The following DLGAP1 variants were observed in gnomAD, a reference collection of about 807,000 sequenced individuals.
DLGAP1 encodes disks large-associated protein 1.
A neutral mutation model predicts 90.8 loss-of-function variants in DLGAP1; 11 were observed. That is an observed-to-expected ratio of 0.12 (90% CI 0.08 to 0.20). The LOEUF is 0.20. Ranked by LOEUF, DLGAP1 falls within the 10% of genes least tolerant of loss-of-function variation. The pLI is 1.00. For missense variants in DLGAP1, 1,050 were observed against 1,333.8 expected, an observed-to-expected ratio of 0.79 and a Z score of 3.31; for synonymous variants, 558 against 540.7, an observed-to-expected ratio of 1.03 and a Z score of -0.44.
chr18:3,920,415 T>C (rs1436415863), intron 3 of DLGAP1, among the ~76,000 whole-genome samples: 1 of 150,626 alleles, frequency 6.6e-6, no homozygotes, highest in Non-Finnish European at 1.5e-5. Flanking sequence ...ATGTGTTATA[T>C]ACCAGGTTAC....
chr18:4,241,303 G>A (rs529302135), intron 1 of DLGAP1, among the ~76,000 whole-genome samples: 2 of 152,220 alleles, frequency 1.3e-5, no homozygotes, highest in Admixed American at 6.5e-5. Context: ...CTGGAGTTAG[G>A]CCCCTCAGTT....
chr18:3,590,578 G>C (rs73381219), intron 7 of DLGAP1, among the ~76,000 whole-genome samples: 43,090 of 152,050 alleles, frequency 0.28, 6,162 homozygotes, highest in East Asian at 0.35. Flanking sequence ...TGTAGGGTCA[G>C]GTACGGTGGC....
At chr18:3,620,304 G>A (rs2058048631) in intron 7 of DLGAP1, among the ~76,000 whole-genome samples, 2 of 151,930 alleles carry the variant, frequency 1.3e-5, no homozygotes, top group African/African-American at 2.4e-5. Context: ...TGGAGGAAGG[G>A]GCTTTAAGCC....
At chr18:3,548,011 A>G (rs1279326453) in intron 9 of DLGAP1, among the ~76,000 whole-genome samples, 1 of 152,218 alleles carries the variant, frequency 6.6e-6, no homozygotes, top group Non-Finnish European at 1.5e-5. Context: ...CACATATTGT[A>G]TGATTCAATT....
chr18:4,214,242 G>C (rs1410750301), intron 1 of DLGAP1, among the ~76,000 whole-genome samples: 1 of 152,054 alleles, frequency 6.6e-6, no homozygotes, highest in African/African-American at 2.4e-5. Context: ...AAGGTGGCAG[G>C]AGGAGATGGG....
At chr18:3,540,887 T>C (rs1186362518) in intron 9 of DLGAP1, among the ~76,000 whole-genome samples, 1 of 152,198 alleles carries the variant, frequency 6.6e-6, no homozygotes, top group Non-Finnish European at 1.5e-5. Context: ...GGACGTGTTG[T>C]CATCTGGTAA....
chr18:3,823,250 T>C (rs576229839), intron 4 of DLGAP1, among the ~76,000 whole-genome samples: 1 of 152,172 alleles, frequency 6.6e-6, no homozygotes, highest in Non-Finnish European at 1.5e-5. Context: ...GTGAATGATC[T>C]AAGCTTACTC....
At chr18:4,298,023 G>C (rs1257273208) in intron 1 of DLGAP1, among the ~76,000 whole-genome samples, 1 of 152,006 alleles carries the variant, frequency 6.6e-6, no homozygotes, top group African/African-American at 2.4e-5. Context: ...TCTCTGCCCC[G>C]GACTCTGGTG....
chr18:3,689,309 A>G lies in DLGAP1; in HGVS notation c.1591+39826T>C, dbSNP rs563385909. The stretch of plus-strand genomic sequence containing the variant: ...ACAAACCTTTTCATCAGCTAGAGCA[A>G]CAAAGTTAAAAACCTGGCTGCCAAA... On this transcript the variant is annotated intron_variant, in intron 7 of 12. Coordinates refer to ENST00000315677, the MANE Select transcript of DLGAP1 (RefSeq NM_004746.4). 4.3e-4 allele frequency among the ~76,000 whole-genome samples: 66 copies of G among 152,316 alleles called. 1 individual carries two copies. The highest frequency in any genetic ancestry group is 7.3e-4 in the Non-Finnish European group (50 of 68,028).
intron 1 of DLGAP1, among the ~76,000 whole-genome samples, chr18:4,304,176 G>A (rs912328728): frequency 6.6e-6 from 1 of 152,182 alleles, no homozygotes; most frequent in Non-Finnish European, 1.5e-5. Flanking sequence ...AGTGGGTACA[G>A]ATTTTAAGTG....
intron 3 of DLGAP1, among the ~76,000 whole-genome samples, chr18:3,933,261 C>G (rs1382843277): frequency 1.3e-5 from 2 of 152,176 alleles, no homozygotes; most frequent in Non-Finnish European, 2.9e-5. Flanking sequence ...TTCTGCCTTT[C>G]TGTAGCTTAT....
intron 7 of DLGAP1, among the ~76,000 whole-genome samples, chr18:3,680,650 G>A (rs1320326599): frequency 3.3e-5 from 5 of 152,016 alleles, no homozygotes; most frequent in South Asian, 2.1e-4. Context: ...TTAGCTGGGC[G>A]TGATGGCGGG....
chr18:4,417,650 A>ACT (rs2082930192), intron 1 of DLGAP1, among the ~76,000 whole-genome samples: 37 of 152,182 alleles, frequency 2.4e-4, no homozygotes, highest in Admixed American at 2.4e-3. Flanking sequence ...TCCAGAGTGA[A>ACT]GGGCAATTAA....
intron 1 of DLGAP1, among the ~76,000 whole-genome samples, chr18:4,219,027 G>GTTTTTTTTTTTTTTTTTT (rs34333673): frequency 1.1e-5 from 1 of 92,022 alleles, no homozygotes; most frequent in Non-Finnish European, 2.1e-5. Context: ...TTCTATCTTT[G>GTTTTTTTTTTTTTTTTTT]TTTTTTTTTT....
chr18:4,366,281 G>C lies in DLGAP1; in HGVS notation c.-267+88725C>G, dbSNP rs182419749. Among the ~76,000 whole-genome samples the C allele has an allele frequency of 1.4e-3, 212 of 152,092 alleles. 2 individuals carry two copies. The highest frequency in any genetic ancestry group is 5.0e-3 in the African/African-American group (207 of 41,538). On this transcript the variant is annotated intron_variant, in intron 1 of 12. Transcript: ENST00000315677. ...AAATCTATGTTAAATCAAACCATTT[G>C]GAATTGGAAATTTTGAACCATATTA...
At chr18:3,620,248 A>C (rs1369400427) in intron 7 of DLGAP1, among the ~76,000 whole-genome samples, 1 of 152,058 alleles carries the variant, frequency 6.6e-6, no homozygotes, top group Non-Finnish European at 1.5e-5. Context: ...TGTGCGAGAG[A>C]GGAGCAGAGG....
At chr18:3,683,711 T>C (rs887078030) in intron 7 of DLGAP1, among the ~76,000 whole-genome samples, 8 of 152,132 alleles carry the variant, frequency 5.3e-5, no homozygotes, top group African/African-American at 1.7e-4. Flanking sequence ...GAGTATTAAA[T>C]CATCTCAGAA....
At chr18:4,413,874 T>C (rs1214287983) in intron 1 of DLGAP1, among the ~76,000 whole-genome samples, 6 of 152,214 alleles carry the variant, frequency 3.9e-5, no homozygotes, top group African/African-American at 1.4e-4. Context: ...TTTATTTATA[T>C]ACTCTATACT....
chr18:3,594,100 C>G (rs2056435152), intron 7 of DLGAP1: 1 of 152,116 alleles, frequency 6.6e-6, no homozygotes, highest in Non-Finnish European at 1.5e-5. Context: ...CCAAACAATG[C>G]GCAGGCAATC....
Sources: gnomAD v4.1 joint callset for allele counts (sites outside exome capture counted in the v4.1 genomes callset) on GRCh38, gnomAD v4.1.1 for gene constraint, MANE v1.5 for transcripts, NCBI Gene and HGNC (gene_info 2026-07-23, HGNC 2026-07-21) for gene names.